Variants in SCRN3 observed in about 807,000 individuals in gnomAD.
The protein encoded by SCRN3 is secernin-3.
A neutral mutation model predicts 43.1 loss-of-function variants in SCRN3; 39 were observed. The ratio of observed to expected loss-of-function variants is 0.91; its 90% CI spans 0.70 to 1.18. SCRN3 has a LOEUF of 1.18. SCRN3 is among the 50% of genes most tolerant of loss of function. The pLI is 0.00. For synonymous variants in SCRN3, 147 were observed against 163.1 expected (o/e 0.90, Z 0.75); for missense variants, 484 against 498.0 (o/e 0.97, Z 0.27).
intron 5 of SCRN3, among the ~76,000 whole-genome samples, chr2:174,411,928 A>G (rs34056570): frequency 6.6e-6 from 1 of 152,098 alleles, no homozygotes; most frequent in Non-Finnish European, 1.5e-5. Context: ...CTCAAAAAAA[A>G]TTTTTTTAAT....
chr2:174,423,606 A>T (rs1559084232), intron 6 of SCRN3, among the ~76,000 whole-genome samples: 1 of 151,872 alleles, frequency 6.6e-6, no homozygotes, highest in Non-Finnish European at 1.5e-5. Context: ...AGTAGCTGGG[A>T]TTACATGCGT....
At chr2:174,420,173 ATT>A (rs11365944) in intron 5 of SCRN3, among the ~76,000 whole-genome samples, 1 of 151,582 alleles carries the variant, frequency 6.6e-6, no homozygotes, top group Non-Finnish European at 1.5e-5. Context: ...CTAAGCAGAG[ATT>A]TTTTTTTGCA....
chr2:174,421,760 C>T (rs1345667280), intron 5 of SCRN3, among the ~76,000 whole-genome samples: 2 of 152,180 alleles, frequency 1.3e-5, no homozygotes, highest in East Asian at 3.8e-4. Context: ...AATATTTGAT[C>T]CCATGTTGTG....
Position 174,424,661 on chromosome 2 carries a change from T to G in SCRN3, c.1092+12T>G, listed in dbSNP as rs781171594. On this transcript the variant is annotated intron_variant, in intron 7 of 7. Transcript: ENST00000272732. ...TAAATAATAATGAGGTATGCTAGATTATATTCTTTGTTATATCATTAAGTG... is the reference window on the plus strand; with the variant it reads ...TAAATAATAATGAGGTATGCTAGATGATATTCTTTGTTATATCATTAAGTG... The G allele has an allele frequency of 6.3e-7, 1 of 1,591,532 alleles. No homozygotes were observed. The highest frequency in any genetic ancestry group is 1.7e-5 in the Admixed American group (1 of 58,304).
chr2:174,423,759 G>A (rs933738854), intron 6 of SCRN3, among the ~76,000 whole-genome samples: 28 of 144,538 alleles, frequency 1.9e-4, no homozygotes, highest in Admixed American at 1.4e-3. Context: ...GTGAGCCACC[G>A]CACCCGGCCA....
At position 174,400,100 on chromosome 2, in the gene SCRN3, T is replaced by A; in HGVS notation, c.338T>A (p.Val113Asp). 2 of 1,558,568 alleles carry A rather than the reference T, an allele frequency of 1.3e-6. No homozygotes were observed. The highest frequency in any genetic ancestry group is 2.5e-5 in the East Asian group (1 of 40,618). The change falls in exon 3 of 8, where the codon GTC becomes GAC. Residue 113 changes from valine (V) to aspartate (D), a missense_variant. Transcript: ENST00000272732. ...GAAGCACTATTAGGAATGGACCTTG[T>A]CAGGTTATTTTTTGTTACATTTTAT... is the stretch of plus-strand genomic sequence containing the variant. ...DEEALLGMDLVRLGLERADTA... is the reference protein window; with the variant it reads ...DEEALLGMDLDRLGLERADTA...
intron 5 of SCRN3, among the ~76,000 whole-genome samples, chr2:174,409,814 G>A (rs1436734982): frequency 7.0e-6 from 1 of 142,548 alleles, no homozygotes; most frequent in Non-Finnish European, 1.6e-5. Context: ...CAGTCTGCCG[G>A]TTCTCAGATC....
At chr2:174,404,046 T>A (rs1466976701) in intron 4 of SCRN3, 57 bp from the exon 5 acceptor site, 2 of 1,338,874 alleles carry the variant, frequency 1.5e-6, no homozygotes, top group Non-Finnish European at 2.1e-6. Context: ...TACAGATACA[T>A]GCTTTATGTT....
intron 5 of SCRN3, among the ~76,000 whole-genome samples, chr2:174,411,041 G>A (rs540104391): frequency 1.6e-4 from 24 of 152,174 alleles, no homozygotes; most frequent in African/African-American, 5.5e-4. Context: ...TCCTTATTAC[G>A]GCTATGAGTC....
At position 174,395,789 on chromosome 2, in the gene SCRN3, C is replaced by A. The variant is rs761281708; in HGVS notation, c.-38C>A. 1.6e-5 allele frequency: 25 copies of A among 1,558,586 alleles called. No individual in the cohort carries two copies. The African/African-American group carries it at 3.1e-4, about 19-fold the overall frequency. The stretch of plus-strand genomic sequence containing the variant: ...CACTGGCCACTCCTCCCTCCGTCCA[C>A]CTGTCACTTCGGGTAGCTGGGAGGC... On this transcript the variant is annotated 5_prime_UTR_variant, in exon 1 of 8. Transcript: ENST00000272732.
chr2:174,404,060 T>C, intron 4 of SCRN3, 43 bp from the exon 5 acceptor site: 1 of 1,451,848 alleles, frequency 6.9e-7, no homozygotes, highest in Non-Finnish European at 9.6e-7. Flanking sequence ...TTATGTTAAA[T>C]ATGACTTTTC....
rs1180918582 is a variant in SCRN3 at position 174,400,107 on chromosome 2, A to AT, written c.341+10dup. ...TATTAGGAATGGACCTTGTCAGGTT[A>AT]TTTTTTGTTACATTTTATACTACAG... On this transcript the variant is annotated splice_donor_region_variant and intron_variant, in intron 3 of 7. Transcript: ENST00000272732. The AT allele has an allele frequency of 1.0e-5, 16 of 1,546,562 alleles. No homozygotes were observed. The highest frequency in any genetic ancestry group is 5.0e-5 in the East Asian group (2 of 39,890).
chr2:174,411,304 C>T (rs1250597538), intron 5 of SCRN3, among the ~76,000 whole-genome samples: 2 of 152,098 alleles, frequency 1.3e-5, no homozygotes, highest in African/African-American at 2.4e-5. Flanking sequence ...TTATATTTTA[C>T]TCAAATTTCC....
At chr2:174,402,135 T>A (rs1483968584) in intron 4 of SCRN3, among the ~76,000 whole-genome samples, 1 of 152,230 alleles carries the variant, frequency 6.6e-6, no homozygotes, top group African/African-American at 2.4e-5. Flanking sequence ...ATATATAACA[T>A]TGTAGTTAGA....
chr2:174,423,627 A>G (rs1686370756), intron 6 of SCRN3, among the ~76,000 whole-genome samples: 3 of 151,786 alleles, frequency 2.0e-5, no homozygotes, highest in Non-Finnish European at 1.5e-5. Context: ...GCGCCACCAC[A>G]CCCAGCTAAT....
In SCRN3 at chr2:174,404,162, C is replaced by G. The variant is rs368601014; in HGVS notation, c.601C>G (p.Pro201Ala). The G allele has an allele frequency of 1.2e-6, 2 of 1,613,598 alleles. No homozygotes were observed. Among genetic ancestry groups the G allele is most frequent in the South Asian group, 1.1e-5 (1 of 91,070 alleles). ...SITTKIAREHPDMRNYAKRKG... is the reference protein window; with the variant it reads ...SITTKIAREHADMRNYAKRKG... ...AACAACCAAGATTGCCCGGGAACACCCAGACATGAGAAACTATGCTAAGCG... is the reference window on the plus strand; with the variant it reads ...AACAACCAAGATTGCCCGGGAACACGCAGACATGAGAAACTATGCTAAGCG... The change falls in exon 5 of 8, where the codon CCA becomes GCA. Residue 201 changes from proline to alanine, a missense_variant. By Grantham distance (27) the Pro-to-Ala change is conservative. Transcript: ENST00000272732.
intron 5 of SCRN3, among the ~76,000 whole-genome samples, chr2:174,409,685 C>T (rs924942895): frequency 7.2e-6 from 1 of 138,114 alleles, no homozygotes; most frequent in Admixed American, 7.2e-5. Context: ...ACAGACAGGA[C>T]CCTCAGCTGC....
intron 6 of SCRN3, among the ~76,000 whole-genome samples, chr2:174,423,990 A>G (rs994844774): frequency 7.3e-5 from 11 of 151,290 alleles, no homozygotes; most frequent in Admixed American, 4.6e-4. Context: ...GGTTCTGGCT[A>G]TGTTGCCCAA....
At position 174,429,220 on chromosome 2, in the gene SCRN3, G is replaced by A. The variant is rs1686583364; in HGVS notation, c.*1325G>A. The A allele has an allele frequency of 6.6e-6, 1 of 152,100 alleles. No homozygotes were observed. The highest frequency in any genetic ancestry group is 2.4e-5 in the African/African-American group (1 of 41,398). 9.4% of individuals were successfully genotyped at this position (152,100 alleles called of 1,614,324 possible). On this transcript the variant is annotated 3_prime_UTR_variant, in exon 8 of 8. Coordinates refer to ENST00000272732, the MANE Select transcript of SCRN3 (RefSeq NM_024583.5). Reference sequence around the variant, plus strand: ...TCCTTTAATAGATGAGGAAACTAAGGGCAAACAGTTCGTTACACTTACGGG... The same window carrying A: ...TCCTTTAATAGATGAGGAAACTAAGAGCAAACAGTTCGTTACACTTACGGG...
Sources: allele counts gnomAD v4.1 joint callset (sites outside exome capture counted in the v4.1 genomes callset), GRCh38; gene constraint gnomAD v4.1.1; transcripts MANE v1.5; gene names NCBI Gene and HGNC (gene_info 2026-07-23, HGNC 2026-07-21).